Variants in C9orf50 observed in about 807,000 individuals in gnomAD.
C9orf50 encodes uncharacterized protein C9orf50.
A neutral mutation model predicts 42.5 loss-of-function variants in C9orf50; 33 were observed. The observed-to-expected ratio is 0.78, with a 90% CI of 0.59 to 1.04. C9orf50 has a LOEUF of 1.04. Ranked by LOEUF, C9orf50 falls within the 50% of genes least tolerant of loss-of-function variation. The pLI is 0.00. For missense variants in C9orf50, 547 were observed against 594.3 expected, an observed-to-expected ratio of 0.92 and a Z score of 0.83; for synonymous variants, 257 against 273.4, an observed-to-expected ratio of 0.94 and a Z score of 0.59.
chr9:129,619,954 T>C, intron 1 of C9orf50, 113 bp downstream of exon 1: 1 of 1,488,536 alleles, frequency 6.7e-7, no homozygotes, highest in South Asian at 1.2e-5. Context: ...GATACTCAGC[T>C]AACATTAGCA....
At chr9:129,612,547 G>A in intron 6 of C9orf50, 93 bp from the exon 7 acceptor site, 2 of 922,364 alleles carry the variant, frequency 2.2e-6, no homozygotes, top group East Asian at 2.6e-5. Flanking sequence ...GCCCTGTTGG[G>A]CAGGTAGTGC....
At chr9:129,619,413 G>A in intron 3 of C9orf50, 107 bp downstream of exon 3, 1 of 797,376 alleles carries the variant, frequency 1.3e-6, no homozygotes, top group Admixed American at 2.2e-5. Flanking sequence ...GGATGAATGG[G>A]TAGATAGGTG....
At chr9:129,612,383 G>C in exon 7 of C9orf50, 1 of 1,613,570 alleles carries the variant, frequency 6.2e-7, no homozygotes, top group Non-Finnish European at 8.5e-7. Flanking sequence ...CGGAGGCCAG[G>C]AGGAGATGGT....
chr9:129,613,313 G>A lies in C9orf50; in HGVS notation c.1044-62C>T. On this transcript the variant is annotated intron_variant, in intron 5 of 6. Transcript: ENST00000372478. The surrounding 1 kb of genome is among the most constrained non-coding windows in gnomAD (Gnocchi z 6.2). ...TGAGTCCCCGGCCCACCCATGGCTG[G>A]CAGGGCCCTTGAGGACCCACACTGG... 3 of 1,565,744 alleles carry A rather than the reference G, an allele frequency of 1.9e-6. No homozygotes were observed. The highest frequency in any genetic ancestry group is 2.6e-6 in the Non-Finnish European group (3 of 1,154,646).
chr9:129,620,483 C>G lies in C9orf50; in HGVS notation c.92G>C (p.Arg31Pro). The change falls in exon 1 of 7, where the codon CGG becomes CCG. Residue 31 changes from arginine (R) to proline (P), a missense_variant. Transcript: ENST00000372478. This position sits in a 1 kb window ranked among gnomAD's most constrained non-coding sequence, Gnocchi z 5.8. ...CGCGGGCGGGGTCAGCTTGGGCAGC[C>G]GCGGGTCGCTGCTGCGTCGGAAGTC... 3 of 1,389,804 alleles carry G rather than the reference C, an allele frequency of 2.2e-6. No individual in the cohort carries two copies. Among genetic ancestry groups the G allele is most frequent in the Non-Finnish European group, 2.8e-6 (3 of 1,067,248 alleles). 86.1% of individuals were successfully genotyped at this position (1,389,804 alleles called of 1,614,324 possible).
chr9:129,620,253 C>G lies in C9orf50; in HGVS notation c.322G>C (p.Ala108Pro). The G allele has an allele frequency of 7.5e-7, 1 of 1,338,276 alleles. No homozygotes were observed. Among genetic ancestry groups the G allele is most frequent in the Non-Finnish European group, 9.6e-7 (1 of 1,039,080 alleles). The allele number at this position is 1,338,276 out of a possible 1,614,324, so 82.9% of individuals were successfully genotyped here. A position where few individuals can be genotyped will look rare whatever the true frequency, so the allele number is the denominator to read the frequency against. The stretch of plus-strand genomic sequence containing the variant: ...GGCGCCGATTCCCGGGACGCGCCGG[C>G]CGACAGCAGGGGAGGCGGCAGCAGG... Residue 108 changes from alanine to proline, a missense_variant, in exon 1 of 7, where the codon GCC becomes CCC. This residue lies in a region of C9orf50 where 108 missense variants were observed against 172.1 expected (regional missense o/e 0.63). Transcript: ENST00000372478. The surrounding 1 kb of genome is among the most constrained non-coding windows in gnomAD (Gnocchi z 5.8).
intron 3 of C9orf50, 149 bp from the exon 4 acceptor site, chr9:129,615,796 A>C (rs1416542200): frequency 1.1e-6 from 1 of 893,166 alleles, no homozygotes. Flanking sequence ...GCCGGCCTTA[A>C]CGGAGCACTT....
At chr9:129,617,998 T>C (rs574966797) in intron 3 of C9orf50, among the ~76,000 whole-genome samples, 1 of 152,234 alleles carries the variant, frequency 6.6e-6, no homozygotes, top group Admixed American at 6.5e-5. Context: ...GTTCCATTTC[T>C]AGTTCCTACC....
rs1307795681 is a variant in C9orf50, at chr9:129,613,489, G to T, written c.989C>A (p.Pro330His). 1.2e-6 allele frequency: 2 copies of T among 1,614,062 alleles called. No individual in the cohort carries two copies. The highest frequency in any genetic ancestry group is 8.5e-7 in the Non-Finnish European group (1 of 1,180,046). Reference sequence around the variant, plus strand: ...GGCCAGGGTCTCCTCCTTGGCCCCAGGGTACAGGGCTTTGGGCAAACTCTC... The same window carrying T: ...GGCCAGGGTCTCCTCCTTGGCCCCATGGTACAGGGCTTTGGGCAAACTCTC... The change falls in exon 5 of 7, where the codon CCT (proline) becomes CAT (histidine). Residue 330 changes from proline to histidine, a missense_variant. Physicochemically the swap from Pro to His is moderately conservative, Grantham distance 77 (BLOSUM62 -2). Transcript: ENST00000372478. The surrounding 1 kb of genome is among the most constrained non-coding windows in gnomAD (Gnocchi z 6.2).
chr9:129,620,856 G>A (rs150331020), upstream of C9orf50: 17 of 346,484 alleles, frequency 4.9e-5, no homozygotes, highest in African/African-American at 3.2e-4. The surrounding 1 kb of genome is among the most constrained non-coding windows in gnomAD (Gnocchi z 5.8). Context: ...AGAACAGCAA[G>A]CTCGGTACAG....
Position 129,619,760 on chromosome 9 carries a change from A to T in C9orf50, c.579T>A (p.Cys193Ter). Reference sequence around the variant, plus strand: ...CTTACCACAGGTCTGGGAGGAATGAACAGTTGGGACACCGCGGAGACCCTG... The same window carrying T: ...CTTACCACAGGTCTGGGAGGAATGATCAGTTGGGACACCGCGGAGACCCTG... The change falls in exon 2 of 7, where the codon TGT becomes TGA. Residue 193 changes from cysteine (C) to a stop codon, truncating the protein, a stop_gained. Coordinates refer to ENST00000372478, the Ensembl canonical transcript of C9orf50. LOFTEE classifies it high-confidence loss of function. The T allele has an allele frequency of 6.2e-7, 1 of 1,614,058 alleles. No individual in the cohort carries two copies. Among genetic ancestry groups the T allele is most frequent in the Non-Finnish European group, 8.5e-7 (1 of 1,180,008 alleles).
chr9:129,613,563 G>C lies in C9orf50; in HGVS notation c.915C>G (p.Ala305=), dbSNP rs750853346. The stretch of plus-strand genomic sequence containing the variant: ...ACACCCGCTCGGACGCCACTGGCAG[G>C]GCGGCCTTCTGGTTCACAATGACGC... The change falls in exon 5 of 7, where the codon GCC becomes GCG. Residue 305 remains alanine (A), a synonymous_variant. Coordinates refer to ENST00000372478, the Ensembl canonical transcript of C9orf50. The surrounding 1 kb of genome is among the most constrained non-coding windows in gnomAD (Gnocchi z 6.2). 1 of 1,614,142 alleles carries C rather than the reference G, an allele frequency of 6.2e-7. No homozygotes were observed. Among genetic ancestry groups the C allele is most frequent in the South Asian group, 1.1e-5 (1 of 91,080 alleles).
At chr9:129,618,874 T>G (rs1468704370) in intron 3 of C9orf50, among the ~76,000 whole-genome samples, 17 of 150,138 alleles carry the variant, frequency 1.1e-4, no homozygotes, top group Admixed American at 2.6e-4. Flanking sequence ...TTGTGTTTTT[T>G]TTTTTTTTTT....
chr9:129,621,888 C>A (rs1018749765), upstream of C9orf50, among the ~76,000 whole-genome samples: 3 of 152,202 alleles, frequency 2.0e-5, no homozygotes, highest in African/African-American at 7.2e-5. Context: ...TCTCTACAGG[C>A]AGGCTGTAGA....
chr9:129,613,514 C>T lies in C9orf50; in HGVS notation c.964G>A (p.Glu322Lys). The change falls in exon 5 of 7, where the codon GAG (glutamate) becomes AAG (lysine). Residue 322 changes from glutamate to lysine, a missense_variant. By Grantham distance (56) the Glu-to-Lys change is moderately conservative. Transcript: ENST00000372478. The surrounding 1 kb of genome is among the most constrained non-coding windows in gnomAD (Gnocchi z 6.2). ...GGGTACAGGGCTTTGGGCAAACTCT[C>T]CAGCCGTTTTCCGACACTCCCAAAC... 1 of 1,614,168 alleles carries T rather than the reference C, an allele frequency of 6.2e-7. No homozygotes were observed. Among genetic ancestry groups the T allele is most frequent in the South Asian group, 1.1e-5 (1 of 91,084 alleles).
Position 129,620,049 on chromosome 9 carries a change from G to A in C9orf50, c.508+18C>T, listed in dbSNP as rs1564338901. 2 of 1,452,394 alleles carry A rather than the reference G, an allele frequency of 1.4e-6. No individual in the cohort carries two copies. The highest frequency in any genetic ancestry group is 1.8e-6 in the Non-Finnish European group (2 of 1,100,402). 90.0% of individuals were successfully genotyped at this position (1,452,394 alleles called of 1,614,324 possible). ...GGAAATGACTCGGGCCCGCCCCCCGGGCCCCGCGGGGCCTCACTCAGTGGC... is the reference window on the plus strand; with the variant it reads ...GGAAATGACTCGGGCCCGCCCCCCGAGCCCCGCGGGGCCTCACTCAGTGGC... On this transcript the variant is annotated intron_variant, in intron 1 of 6. Coordinates refer to ENST00000372478, the Ensembl canonical transcript of C9orf50. This position sits in a 1 kb window ranked among gnomAD's most constrained non-coding sequence, Gnocchi z 5.8.
At position 129,620,042 on chromosome 9, in the gene C9orf50, C is replaced by A; in HGVS notation, c.508+25G>T. On this transcript the variant is annotated intron_variant, in intron 1 of 6. Coordinates refer to ENST00000372478, the Ensembl canonical transcript of C9orf50. The surrounding 1 kb of genome is among the most constrained non-coding windows in gnomAD (Gnocchi z 5.8). ...CCCCACCGGAAATGACTCGGGCCCG[C>A]CCCCCGGGCCCCGCGGGGCCTCACT... The A allele has an allele frequency of 1.4e-6, 2 of 1,451,540 alleles. No individual in the cohort carries two copies. The highest frequency in any genetic ancestry group is 9.1e-7 in the Non-Finnish European group (1 of 1,099,788). The allele number at this position is 1,451,540 out of a possible 1,614,324, so 89.9% of individuals were successfully genotyped here. A position where few individuals can be genotyped will look rare whatever the true frequency, so the allele number is the denominator to read the frequency against.
At chr9:129,615,188 C>T (rs558394452) in intron 4 of C9orf50, among the ~76,000 whole-genome samples, 44 of 152,320 alleles carry the variant, frequency 2.9e-4, no homozygotes, top group South Asian at 1.0e-3. Context: ...CTGGAGGCTC[C>T]GGCTACGGGT....
chr9:129,613,522 T>C lies in C9orf50; in HGVS notation c.956A>G (p.Lys319Arg). ...GGCTTTGGGCAAACTCTCCAGCCGT[T>C]TTCCGACACTCCCAAACACCCGCTC... Residue 319 changes from lysine to arginine, a missense_variant, in exon 5 of 7, where the codon AAA becomes AGA. Lys to Arg is a conservative substitution (Grantham distance 26). Coordinates refer to ENST00000372478, the Ensembl canonical transcript of C9orf50. This position sits in a 1 kb window ranked among gnomAD's most constrained non-coding sequence, Gnocchi z 6.2. 1.2e-6 allele frequency: 2 copies of C among 1,614,136 alleles called. No individual in the cohort carries two copies. The highest frequency in any genetic ancestry group is 8.5e-7 in the Non-Finnish European group (1 of 1,180,000).
Sources: allele counts gnomAD v4.1 joint callset (sites outside exome capture counted in the v4.1 genomes callset), GRCh38; gene constraint gnomAD v4.1.1; regional missense constraint gnomAD v4.1.1; non-coding constraint Gnocchi (gnomAD v3.1); transcripts MANE v1.5; gene names NCBI Gene and HGNC (gene_info 2026-07-23, HGNC 2026-07-21).